Variants in TPD52L1 observed in about 807,000 individuals in gnomAD.
TPD52L1 encodes the protein TPD52 like 1.
A neutral mutation model predicts 28.7 loss-of-function variants in TPD52L1; 18 were observed. The observed-to-expected ratio is 0.63, with a 90% confidence interval of 0.43 to 0.93. The LOEUF (loss-of-function observed/expected upper bound fraction) is 0.93, where lower values mean the gene tolerates loss of function less well. Ranked by LOEUF, TPD52L1 falls within the 40% of genes least tolerant of loss-of-function variation. The pLI is 0.00. For missense variants in TPD52L1, 203 were observed against 254.8 expected, an observed-to-expected ratio of 0.80 and a Z score of 1.39; for synonymous variants, 75 against 88.8, an observed-to-expected ratio of 0.84 and a Z score of 0.88.
At chr6:125,204,157 GTACT>G (rs1049129833) in intron 1 of TPD52L1, among the ~76,000 whole-genome samples, 1 of 152,086 alleles carries the variant, frequency 6.6e-6, no homozygotes, top group African/African-American at 2.4e-5. Context: ...CTTTTTCACT[GTACT>G]TACTTATCGT....
intron 3 of TPD52L1, among the ~76,000 whole-genome samples, chr6:125,237,157 A>C (rs1188736065): frequency 6.6e-6 from 1 of 152,118 alleles, no homozygotes; most frequent in African/African-American, 2.4e-5. Context: ...CACCAGGTGG[A>C]CTTTGGCTTT....
At chr6:125,247,304 T>A (rs968222164) in intron 3 of TPD52L1, among the ~76,000 whole-genome samples, 2 of 152,138 alleles carry the variant, frequency 1.3e-5, no homozygotes, top group Non-Finnish European at 2.9e-5. Context: ...TGTATAAAAA[T>A]TTTGTTGATT....
At chr6:125,229,306 A>G in intron 3 of TPD52L1, 40 bp downstream of exon 3, 3 of 1,565,648 alleles carry the variant, frequency 1.9e-6, no homozygotes, top group Non-Finnish European at 2.6e-6. Context: ...ACTCAGCCTG[A>G]TGTCTCCTCA....
chr6:125,248,736 A>C (rs1236578384), intron 4 of TPD52L1, among the ~76,000 whole-genome samples: 1 of 152,056 alleles, frequency 6.6e-6, no homozygotes, highest in Non-Finnish European at 1.5e-5. Context: ...AGTGGAATGC[A>C]CTCCCATAAA....
chr6:125,207,998 C>T (rs775564330), intron 1 of TPD52L1, among the ~76,000 whole-genome samples: 22 of 152,202 alleles, frequency 1.4e-4, no homozygotes, highest in Non-Finnish European at 1.8e-4. Context: ...CACTTCTTCC[C>T]TTAAGAGAAG....
At position 125,172,549 on chromosome 6, in the gene TPD52L1, TATA is replaced by T. The variant is rs1382818178; in HGVS notation, c.19+18583_19+18585del. Among the ~76,000 whole-genome samples, 79 of 92,042 alleles carry T rather than the reference TATA, an allele frequency of 8.6e-4. 2 individuals carry two copies. Among genetic ancestry groups the T allele is most frequent in the African/African-American group, 3.6e-3 (73 of 20,326 alleles). The allele number at this position is 92,042 out of a possible 152,430, so 60.4% of individuals were successfully genotyped here. A position where few individuals can be genotyped will look rare whatever the true frequency, so the allele number is the denominator to read the frequency against. ...ATATATATATATATATATATATATA[TATA>T]ATATATATACTATATGGCATGAAAT... On this transcript the variant is annotated intron_variant, in intron 1 of 6. Coordinates refer to ENST00000534000, the MANE Select transcript of TPD52L1 (RefSeq NM_003287.4).
Position 125,190,436 on chromosome 6 carries a change from G to T in TPD52L1, c.20-29642G>T, listed in dbSNP as rs377625109. 4.7e-4 allele frequency among the ~76,000 whole-genome samples: 71 copies of T among 152,264 alleles called. 1 individual carries two copies. The South Asian group carries it at 0.012, about 26-fold the overall frequency. On this transcript the variant is annotated intron_variant, in intron 1 of 6. Transcript: ENST00000534000. ...GAAGACTGTCCCAGCACGCTTTACA[G>T]CAGCAGTCCCTAACCTTTTGGGTAC...
chr6:125,172,531 TA>T lies in TPD52L1; in HGVS notation c.19+18562del, dbSNP rs1200440139. 2.2e-4 allele frequency among the ~76,000 whole-genome samples: 19 copies of T among 87,116 alleles called. 2 individuals are homozygous for T. The highest frequency in any genetic ancestry group is 8.0e-4 in the African/African-American group (15 of 18,782). 57.2% of individuals were successfully genotyped at this position (87,116 alleles called of 152,430 possible). A position where few individuals can be genotyped will look rare whatever the true frequency, so the allele number is the denominator to read the frequency against. On this transcript the variant is annotated intron_variant, in intron 1 of 6. Coordinates refer to ENST00000534000, the MANE Select transcript of TPD52L1 (RefSeq NM_003287.4). ...TTCATGCTATATATATATATATATA[TA>T]TATATATATATATATATATAATATA... is the stretch of plus-strand genomic sequence containing the variant.
At chr6:125,253,851 T>G (rs1399385320) in intron 5 of TPD52L1, 96 bp downstream of exon 5, 1 of 1,155,270 alleles carries the variant, frequency 8.7e-7, no homozygotes, top group South Asian at 1.2e-5. Flanking sequence ...CTGCTTTATG[T>G]GAAAGGAAAT....
chr6:125,159,421 C>T (rs1790361747), intron 1 of TPD52L1, among the ~76,000 whole-genome samples: 1 of 152,194 alleles, frequency 6.6e-6, no homozygotes, highest in South Asian at 2.1e-4. Context: ...AATTTAGTTA[C>T]ATCTTCAGGC....
At chr6:125,218,379 T>C (rs1298348713) in intron 1 of TPD52L1, among the ~76,000 whole-genome samples, 3 of 152,192 alleles carry the variant, frequency 2.0e-5, no homozygotes, top group Admixed American at 2.0e-4. Flanking sequence ...CTTTCCTGGG[T>C]TTATTAACAT....
chr6:125,209,532 T>G (rs2114926269), intron 1 of TPD52L1, among the ~76,000 whole-genome samples: 1 of 152,344 alleles, frequency 6.6e-6, no homozygotes, highest in South Asian at 2.1e-4. Flanking sequence ...CCAGGTAAAC[T>G]ATTGAAAGGC....
Position 125,153,943 on chromosome 6 carries a change from T to C in TPD52L1, c.-9T>C. The C allele has an allele frequency of 6.2e-7, 1 of 1,606,452 alleles. No individual in the cohort carries two copies. Among genetic ancestry groups the C allele is most frequent in the Non-Finnish European group, 8.5e-7 (1 of 1,178,422 alleles). ...TGTCCCCGCCGCCCTCAGCTCGAAG[T>C]CAGCCACCATGGAGGCGCAGGCACA... is the stretch of plus-strand genomic sequence containing the variant. On this transcript the variant is annotated 5_prime_UTR_variant, in exon 1 of 7. Transcript: ENST00000534000.
intron 1 of TPD52L1, among the ~76,000 whole-genome samples, chr6:125,219,546 G>A (rs1795092148): frequency 6.6e-6 from 1 of 152,208 alleles, no homozygotes; most frequent in South Asian, 2.1e-4. Context: ...TCCCACTCAG[G>A]GTCACGAGTT....
intron 3 of TPD52L1, among the ~76,000 whole-genome samples, chr6:125,237,821 T>A (rs1314580176): frequency 6.6e-6 from 1 of 150,970 alleles, no homozygotes; most frequent in African/African-American, 2.4e-5. Context: ...TGTTTTGTTT[T>A]GTTTTGTTTT....
At chr6:125,207,676 CT>C (rs1794236927) in intron 1 of TPD52L1, among the ~76,000 whole-genome samples, 1 of 152,204 alleles carries the variant, frequency 6.6e-6, no homozygotes, top group Non-Finnish European at 1.5e-5. Context: ...AAACCCATTG[CT>C]TGTGCAGTAT....
intron 3 of TPD52L1, among the ~76,000 whole-genome samples, chr6:125,230,825 C>G (rs1235243620): frequency 2.0e-5 from 3 of 152,124 alleles, no homozygotes; most frequent in African/African-American, 7.2e-5. Context: ...CAGAGTCAGG[C>G]AGAATGTAGC....
chr6:125,240,526 T>C (rs1796556848), intron 3 of TPD52L1, among the ~76,000 whole-genome samples: 1 of 152,094 alleles, frequency 6.6e-6, no homozygotes, highest in Non-Finnish European at 1.5e-5. Context: ...TCCTTGCAGG[T>C]ATCTTTCACC....
intron 6 of TPD52L1, 98 bp from the exon 7 acceptor site, chr6:125,262,736 C>G: frequency 6.9e-7 from 1 of 1,449,090 alleles, no homozygotes; most frequent in East Asian, 2.3e-5. Context: ...GAAAGTATTT[C>G]TGAATTTGAA....
Sources: allele counts gnomAD v4.1 joint callset (sites outside exome capture counted in the v4.1 genomes callset), GRCh38; gene constraint gnomAD v4.1.1; transcripts MANE v1.5; gene names NCBI Gene and HGNC (gene_info 2026-07-23, HGNC 2026-07-21).